EFNA5: variants seen among roughly 807,000 people sequenced by gnomAD.
EFNA5 encodes the protein ephrin-A5.
EFNA5 carries 5 observed loss-of-function variants against 22.9 expected under a neutral mutation model. That is an observed-to-expected ratio of 0.22 (90% confidence interval 0.11 to 0.46). The LOEUF is 0.46. Ranked by LOEUF, EFNA5 falls within the 20% of genes least tolerant of loss-of-function variation. The pLI, the probability that EFNA5 is intolerant of heterozygous loss-of-function variation, is 0.99. For synonymous variants in EFNA5, 113 were observed against 112.2 expected (o/e 1.01, Z -0.04); for missense variants, 237 against 293.3 (o/e 0.81, Z 1.40).
intron 1 of EFNA5, among the ~76,000 whole-genome samples, chr5:107,632,549 C>T (rs968360213): frequency 2.6e-5 from 4 of 152,176 alleles, no homozygotes; most frequent in African/African-American, 9.7e-5. Flanking sequence ...TCCCCTCCAG[C>T]ATCCTTTCCC....
At chr5:107,429,201 G>A (rs1318224320) in intron 1 of EFNA5, among the ~76,000 whole-genome samples, 1 of 152,198 alleles carries the variant, frequency 6.6e-6, no homozygotes, top group African/African-American at 2.4e-5. Context: ...CCAGCACTTT[G>A]GGAGGCTGGG....
intron 1 of EFNA5, among the ~76,000 whole-genome samples, chr5:107,508,857 C>A (rs1014400340): frequency 5.3e-5 from 8 of 152,170 alleles, no homozygotes; most frequent in Non-Finnish European, 1.2e-4. Flanking sequence ...AATGTCATTA[C>A]AGAATTAGGT....
chr5:107,564,631 G>GTTTTTTTTTTTTTT (rs34585445), intron 1 of EFNA5, among the ~76,000 whole-genome samples: 1 of 115,034 alleles, frequency 8.7e-6, no homozygotes, highest in African/African-American at 3.3e-5. Flanking sequence ...TTGGGTTTTT[G>GTTTTTTTTTTTTTT]TTTTTTTTTT....
In EFNA5 at chr5:107,464,302, C is replaced by T. The variant is rs979950017; in HGVS notation, c.126-36793G>A. The stretch of plus-strand genomic sequence containing the variant: ...GAATATCCCTCCAATCTTCACTACC[C>T]TTGTCACAACCCAGGCCCAGGGATA... On this transcript the variant is annotated intron_variant, in intron 1 of 4. Transcript: ENST00000333274. Among the ~76,000 whole-genome samples, 6 of 152,120 alleles carry T rather than the reference C, an allele frequency of 3.9e-5. No homozygotes were observed. In the South Asian group the frequency reaches 8.3e-4, roughly 21 times the overall value.
At position 107,438,652 on chromosome 5, in the gene EFNA5, G is replaced by A. The variant is rs190730999; in HGVS notation, c.126-11143C>T. On this transcript the variant is annotated intron_variant, in intron 1 of 4. Coordinates refer to ENST00000333274, the MANE Select transcript of EFNA5 (RefSeq NM_001962.3). ...GCTGGGATCAGGAGAGGAAACCAGC[G>A]TTCTCAGGCTCCCACCAGAGTCACC... Among the ~76,000 whole-genome samples, 29 of 152,182 alleles carry A rather than the reference G, an allele frequency of 1.9e-4. 1 individual carries two copies. The highest frequency in any genetic ancestry group is 3.4e-3 in the Middle Eastern group (1 of 294).
chr5:107,504,759 G>A (rs538509163), intron 1 of EFNA5, among the ~76,000 whole-genome samples: 323 of 152,258 alleles, frequency 2.1e-3, no homozygotes, highest in Non-Finnish European at 3.6e-3. Context: ...AGCTTAAAAG[G>A]TCTGGCACAT....
At chr5:107,643,349 G>C (rs1750565880) in intron 1 of EFNA5, among the ~76,000 whole-genome samples, 1 of 152,150 alleles carries the variant, frequency 6.6e-6, no homozygotes, top group African/African-American at 2.4e-5. Flanking sequence ...TGTGGGTTGT[G>C]AGTCAAGTGG....
chr5:107,610,205 T>A (rs1749800351), intron 1 of EFNA5, among the ~76,000 whole-genome samples: 1 of 152,244 alleles, frequency 6.6e-6, no homozygotes, highest in Non-Finnish European at 1.5e-5. Context: ...GTTATTCAGG[T>A]CACAGGGAAA....
At chr5:107,557,556 A>G (rs1211264609) in intron 1 of EFNA5, among the ~76,000 whole-genome samples, 1 of 152,234 alleles carries the variant, frequency 6.6e-6, no homozygotes, top group Non-Finnish European at 1.5e-5. Flanking sequence ...ACATTTGTCA[A>G]TGGACATATA....
At chr5:107,421,212 T>C (rs1056108165) in intron 2 of EFNA5, among the ~76,000 whole-genome samples, 1 of 152,204 alleles carries the variant, frequency 6.6e-6, no homozygotes, top group Non-Finnish European at 1.5e-5. Flanking sequence ...TCTAAATACC[T>C]AAAGCTGAGA....
intron 1 of EFNA5, among the ~76,000 whole-genome samples, chr5:107,583,678 C>T (rs10479401): frequency 0.27 from 41,446 of 152,026 alleles, 5,984 homozygotes; most frequent in Middle Eastern, 0.35. Context: ...CATAATGGGA[C>T]GTCAGCACTG....
chr5:107,618,291 A>G (rs575385630), intron 1 of EFNA5, among the ~76,000 whole-genome samples: 3 of 152,318 alleles, frequency 2.0e-5, no homozygotes, highest in African/African-American at 7.2e-5. Context: ...TGATAATAGT[A>G]AAAAAATGTG....
intron 1 of EFNA5, among the ~76,000 whole-genome samples, chr5:107,515,604 T>C (rs1429660560): frequency 6.6e-6 from 1 of 151,394 alleles, no homozygotes; most frequent in South Asian, 2.1e-4. Context: ...TCTCGAACTC[T>C]CAAACTCAGG....
At chr5:107,618,118 T>C (rs1749961567) in intron 1 of EFNA5, among the ~76,000 whole-genome samples, 1 of 152,216 alleles carries the variant, frequency 6.6e-6, no homozygotes, top group Non-Finnish European at 1.5e-5. Flanking sequence ...CCATGCCCAT[T>C]CTTGGTACAA....
At chr5:107,439,035 A>T (rs1749186821) in intron 1 of EFNA5, among the ~76,000 whole-genome samples, 1 of 151,974 alleles carries the variant, frequency 6.6e-6, no homozygotes, top group South Asian at 2.1e-4. Flanking sequence ...TTCTCTTATT[A>T]TTTTAGCAGT....
chr5:107,387,625 A>T (rs78458639), intron 3 of EFNA5, 81 bp downstream of exon 3: 91,119 of 964,180 alleles, frequency 0.095, 4,877 homozygotes, highest in Non-Finnish European at 0.1. Flanking sequence ...AGTAAAAAAA[A>T]GTTTTACCGC....
At chr5:107,592,630 C>T (rs903696484) in intron 1 of EFNA5, among the ~76,000 whole-genome samples, 7 of 152,226 alleles carry the variant, frequency 4.6e-5, no homozygotes, top group Middle Eastern at 3.4e-3. Flanking sequence ...GAGCACCAGG[C>T]CGCAGTCAGA....
intron 1 of EFNA5, among the ~76,000 whole-genome samples, chr5:107,509,001 T>A (rs995073485): frequency 9.8e-5 from 15 of 152,342 alleles, no homozygotes; most frequent in South Asian, 4.1e-4. Flanking sequence ...GTATTCTGGT[T>A]TTAATTACCT....
Position 107,644,463 on chromosome 5 carries a change from A to G in EFNA5, c.125+26026T>C, listed in dbSNP as rs539960496. ...TGGTCTATCGGAATAGGCTCATTAA[A>G]CAGAAAAAATACTTGCATCCAAAGA... On this transcript the variant is annotated intron_variant, in intron 1 of 4. Transcript: ENST00000333274. Among the ~76,000 whole-genome samples the G allele has an allele frequency of 2.3e-3, 355 of 152,350 alleles. 3 individuals are homozygous for G. Among genetic ancestry groups the G allele is most frequent in the African/African-American group, 7.6e-3 (315 of 41,584 alleles).
Sources: allele counts gnomAD v4.1 joint callset (sites outside exome capture counted in the v4.1 genomes callset), GRCh38; gene constraint gnomAD v4.1.1; transcripts MANE v1.5; gene names NCBI Gene and HGNC (gene_info 2026-07-23, HGNC 2026-07-21).